The following FBXL7 variants were observed in gnomAD, a reference collection of about 807,000 sequenced individuals.
FBXL7 encodes the protein F-box and leucine rich repeat protein 7.
FBXL7 carries 12 observed loss-of-function variants against 38.3 expected under a neutral mutation model. That is an observed-to-expected ratio of 0.31 (90% confidence interval 0.20 to 0.51). FBXL7 has a LOEUF of 0.51. Among genes scored for constraint, FBXL7 ranks in the 20% least tolerant of loss-of-function variants. The probability of loss-of-function intolerance (pLI) is 0.98; values close to 1 mark genes in which losing one functional copy is unlikely to be tolerated. For synonymous variants in FBXL7, 297 were observed against 300.9 expected (o/e 0.99, Z 0.13); for missense variants, 567 against 676.4 (o/e 0.84, Z 1.79).
intron 2 of FBXL7, among the ~76,000 whole-genome samples, chr5:15,762,186 A>AGTTC (rs1313597949): frequency 6.6e-6 from 1 of 152,198 alleles, no homozygotes; most frequent in Non-Finnish European, 1.5e-5. Context: ...TGAAAGCTGA[A>AGTTC]GTTCTTCTCT....
At position 15,603,195 on chromosome 5, in the gene FBXL7, A is replaced by G. The variant is rs139664975; in HGVS notation, c.38-12788A>G. ...TGTCTGTGCTTTATCTCCCTAGCCT[A>G]ATATGAACTGTGTCTTGTTTTTTTT... On this transcript the variant is annotated intron_variant, in intron 1 of 3. Transcript: ENST00000504595. Among the ~76,000 whole-genome samples the G allele has an allele frequency of 3.0e-4, 46 of 152,254 alleles. No individual in the cohort carries two copies. In the East Asian group the frequency reaches 8.5e-3, roughly 28 times the overall value.
intron 1 of FBXL7, among the ~76,000 whole-genome samples, chr5:15,514,888 C>T (rs1271886444): frequency 6.6e-6 from 1 of 152,208 alleles, no homozygotes; most frequent in East Asian, 1.9e-4. Context: ...TGGGACAATT[C>T]TGAAGGGTCA....
intron 2 of FBXL7, among the ~76,000 whole-genome samples, chr5:15,825,944 C>T (rs1380816033): frequency 6.6e-6 from 1 of 152,164 alleles, no homozygotes; most frequent in Non-Finnish European, 1.5e-5. Flanking sequence ...CATTGATTAC[C>T]GGGCTAGCGC....
rs889843678 is a variant in FBXL7 at position 15,500,563 on chromosome 5, G to T, written c.-114G>T. 14 of 1,451,286 alleles carry T rather than the reference G, an allele frequency of 9.6e-6. No individual in the cohort carries two copies. The highest frequency in any genetic ancestry group is 1.8e-4 in the Middle Eastern group (1 of 5,714). The allele number at this position is 1,451,286 out of a possible 1,614,324, so 89.9% of individuals were successfully genotyped here. A position where few individuals can be genotyped will look rare whatever the true frequency, so the allele number is the denominator to read the frequency against. ...GGCCGGAGGTCGGCCCCGGAGCTTG[G>T]GGGGGATGTGCAGCTAACGGTCCCG... On this transcript the variant is annotated 5_prime_UTR_variant, in exon 1 of 4. Transcript: ENST00000504595.
chr5:15,640,127 T>C (rs1741311460), intron 2 of FBXL7, among the ~76,000 whole-genome samples: 1 of 152,182 alleles, frequency 6.6e-6, no homozygotes, highest in Non-Finnish European at 1.5e-5. Flanking sequence ...CATAACAAAG[T>C]ATAATACCAC....
intron 1 of FBXL7, among the ~76,000 whole-genome samples, chr5:15,539,814 T>C (rs764728092): frequency 1.3e-5 from 2 of 152,026 alleles, no homozygotes; most frequent in African/African-American, 2.4e-5. Context: ...ATTATTCTTC[T>C]AAAAACTCTT....
intron 2 of FBXL7, among the ~76,000 whole-genome samples, chr5:15,753,396 G>A (rs1176839022): frequency 1.3e-5 from 2 of 152,180 alleles, no homozygotes; most frequent in African/African-American, 4.8e-5. Context: ...ACTTAGCAGA[G>A]CGGTTGATCA....
At chr5:15,930,438 A>C (rs1400705879) in intron 3 of FBXL7, among the ~76,000 whole-genome samples, 1 of 152,184 alleles carries the variant, frequency 6.6e-6, no homozygotes, top group Admixed American at 6.5e-5. Context: ...TCTTTGTAAA[A>C]GGTGCTTCCC....
chr5:15,851,771 C>G (rs553971042), intron 2 of FBXL7, among the ~76,000 whole-genome samples: 1 of 151,512 alleles, frequency 6.6e-6, no homozygotes, highest in African/African-American at 2.4e-5. Flanking sequence ...GCTATTCTCA[C>G]GCAAATAAAT....
Position 15,927,897 on chromosome 5 carries a change from C to T in FBXL7, c.135C>T (p.Asp45=), listed in dbSNP as rs772920679. ...QKNVATSEDS[D]LSMRTLSTPS... is the part of the protein sequence containing the mutation. The stretch of plus-strand genomic sequence containing the variant: ...TTCTCTGTCCTTTGCCAGACTCCGA[C>T]CTGAGCATGCGCACACTGAGCACGC... Residue 45 remains aspartate (D), a synonymous_variant, in exon 3 of 4, where the codon GAC becomes GAT. Transcript: ENST00000504595. 2 of 1,520,578 alleles carry T rather than the reference C, an allele frequency of 1.3e-6. No individual in the cohort carries two copies. The highest frequency in any genetic ancestry group is 1.4e-5 in the African/African-American group (1 of 72,088). 94.2% of individuals were successfully genotyped at this position (1,520,578 alleles called of 1,614,324 possible). A position where few individuals can be genotyped will look rare whatever the true frequency, so the allele number is the denominator to read the frequency against.
At chr5:15,742,763 C>G (rs1009764769) in intron 2 of FBXL7, among the ~76,000 whole-genome samples, 25 of 152,148 alleles carry the variant, frequency 1.6e-4, no homozygotes, top group Admixed American at 1.6e-3. Context: ...CTAATAAAGA[C>G]ATACTCGAGA....
chr5:15,753,693 A>G (rs1035057626), intron 2 of FBXL7, among the ~76,000 whole-genome samples: 7 of 152,188 alleles, frequency 4.6e-5, no homozygotes, highest in Non-Finnish European at 1.0e-4. Context: ...ACTTTGATGT[A>G]GTTCTAGTGG....
intron 2 of FBXL7, among the ~76,000 whole-genome samples, chr5:15,766,839 C>T (rs370999969): frequency 6.6e-6 from 1 of 152,128 alleles, no homozygotes; most frequent in Non-Finnish European, 1.5e-5. Context: ...TAAAGAAACT[C>T]GATACACTGT....
At chr5:15,620,856 C>G (rs55734014) in intron 2 of FBXL7, among the ~76,000 whole-genome samples, 22,608 of 152,178 alleles carry the variant, frequency 0.15, 1,918 homozygotes, top group Non-Finnish European at 0.2. Context: ...GTTTTGGTTT[C>G]TTTTCTTGGC....
chr5:15,791,072 G>A (rs1403652542), intron 2 of FBXL7, among the ~76,000 whole-genome samples: 3 of 23,686 alleles, frequency 1.3e-4, no homozygotes, highest in Non-Finnish European at 2.7e-4. Context: ...TTGTGTAAAA[G>A]GGGGGGGGGG....
chr5:15,525,690 T>A (rs1438615277), intron 1 of FBXL7, among the ~76,000 whole-genome samples: 1 of 152,126 alleles, frequency 6.6e-6, no homozygotes, highest in Non-Finnish European at 1.5e-5. Context: ...AGCCAAGGAC[T>A]CTATTGTATG....
At chr5:15,666,289 A>T (rs1004271002) in intron 2 of FBXL7, among the ~76,000 whole-genome samples, 1 of 152,184 alleles carries the variant, frequency 6.6e-6, no homozygotes, top group Non-Finnish European at 1.5e-5. Context: ...TACACATAGC[A>T]TGAAATTTAC....
chr5:15,792,723 C>T (rs1737308652), intron 2 of FBXL7, among the ~76,000 whole-genome samples: 2 of 152,156 alleles, frequency 1.3e-5, no homozygotes, highest in African/African-American at 4.8e-5. Flanking sequence ...ATCATCAACT[C>T]AGCTACAGGA....
intron 1 of FBXL7, among the ~76,000 whole-genome samples, chr5:15,555,974 C>CATCTATCTATCTATCT (rs144598945): frequency 1.1e-3 from 160 of 141,002 alleles, no homozygotes; most frequent in Admixed American, 2.9e-3. Flanking sequence ...ATCTGTCTAT[C>CATCTATCTATCTATCT]ATCTATCTAT....
Sources: allele counts gnomAD v4.1 joint callset (sites outside exome capture counted in the v4.1 genomes callset), GRCh38; gene constraint gnomAD v4.1.1; transcripts MANE v1.5; gene names NCBI Gene and HGNC (gene_info 2026-07-23, HGNC 2026-07-21).